Variants in DERA observed in about 807,000 individuals in gnomAD.
DERA encodes deoxyribose-phosphate aldolase.
DERA carries 15 observed loss-of-function variants against 41.1 expected under a neutral mutation model. That is an observed-to-expected ratio of 0.37 (90% confidence interval 0.24 to 0.56). The LOEUF (loss-of-function observed/expected upper bound fraction) is 0.56. Among genes scored for constraint, DERA ranks in the 20% least tolerant of loss-of-function variants. The pLI is 0.81. For synonymous variants in DERA, 139 were observed against 137.4 expected (o/e 1.01, Z -0.08); for missense variants, 396 against 403.4 (o/e 0.98, Z 0.16).
At chr12:16,027,924 C>A (rs1012993101) in intron 6 of DERA, among the ~76,000 whole-genome samples, 5 of 152,206 alleles carry the variant, frequency 3.3e-5, no homozygotes, top group Non-Finnish European at 7.3e-5. Context: ...TCCTGTCTAG[C>A]AGCAGTGTAC....
At position 15,992,972 on chromosome 12, in the gene DERA, G is replaced by A. The variant is rs762641017; in HGVS notation, c.637+10536G>A. ...TTTGAATTGCCGATGAAGATCTGTG[G>A]GAAGAGTACTAACACAAAAATATGG... On this transcript the variant is annotated intron_variant, in intron 6 of 8. Coordinates refer to ENST00000428559, the MANE Select transcript of DERA (RefSeq NM_015954.4). This position sits in a 1 kb window ranked among gnomAD's most constrained non-coding sequence, Gnocchi z 4.3. Among the ~76,000 whole-genome samples, 16 of 152,256 alleles carry A rather than the reference G, an allele frequency of 1.1e-4. No homozygotes were observed. The highest frequency in any genetic ancestry group is 2.0e-4 in the Admixed American group (3 of 15,300).
intron 6 of DERA, among the ~76,000 whole-genome samples, chr12:16,024,699 A>G (rs900872031): frequency 2.0e-5 from 3 of 152,176 alleles, no homozygotes; most frequent in African/African-American, 7.2e-5. Context: ...ATCCACTCTT[A>G]TTACACTGAA....
At position 15,989,827 on chromosome 12, in the gene DERA, A is replaced by T. The variant is rs1434910073; in HGVS notation, c.637+7391A>T. On this transcript the variant is annotated intron_variant, in intron 6 of 8. Coordinates refer to ENST00000428559, the MANE Select transcript of DERA (RefSeq NM_015954.4). The surrounding 1 kb of genome is among the most constrained non-coding windows in gnomAD (Gnocchi z 5.2). ...TCTGGTCTTACACATCATTGTAAGT[A>T]AAATTGTGTTAAACAACTTTGGTCA... 6.6e-6 allele frequency among the ~76,000 whole-genome samples: 1 copy of T among 152,222 alleles called. No individual in the cohort carries two copies. The highest frequency in any genetic ancestry group is 1.5e-5 in the Non-Finnish European group (1 of 68,040).
chr12:16,028,575 TGGG>T (rs1949069397), intron 6 of DERA, among the ~76,000 whole-genome samples: 1 of 151,708 alleles, frequency 6.6e-6, no homozygotes, highest in African/African-American at 2.4e-5. Context: ...GTATGAAAAA[TGGG>T]GGAAAAAGAT....
At chr12:15,916,482 ACT>A (rs1407682513) in intron 1 of DERA, among the ~76,000 whole-genome samples, 13 of 121,778 alleles carry the variant, frequency 1.1e-4, no homozygotes, top group Non-Finnish European at 1.9e-4. Context: ...ACAGAGTCTC[ACT>A]CTGTCACCCA....
Position 16,001,827 on chromosome 12 carries a change from T to C in DERA, c.637+19391T>C, listed in dbSNP as rs1948876685. Among the ~76,000 whole-genome samples the C allele has an allele frequency of 6.6e-6, 1 of 152,122 alleles. No homozygotes were observed. The highest frequency in any genetic ancestry group is 2.4e-5 in the African/African-American group (1 of 41,406). On this transcript the variant is annotated intron_variant, in intron 6 of 8. Coordinates refer to ENST00000428559, the MANE Select transcript of DERA (RefSeq NM_015954.4). The surrounding 1 kb of genome is among the most constrained non-coding windows in gnomAD (Gnocchi z 4.1). ...CAGGCACACTAGACGAAGCAGCATT[T>C]TGCTGGAGACTTTGTTGAGAATTCA... is the stretch of plus-strand genomic sequence containing the variant.
Position 16,009,149 on chromosome 12 carries a change from A to G in DERA, c.638-23393A>G, listed in dbSNP as rs912168545. 1.5e-4 allele frequency among the ~76,000 whole-genome samples: 23 copies of G among 152,182 alleles called. No individual in the cohort carries two copies. The highest frequency in any genetic ancestry group is 1.4e-3 in the Admixed American group (21 of 15,274). On this transcript the variant is annotated intron_variant, in intron 6 of 8. Coordinates refer to ENST00000428559, the MANE Select transcript of DERA (RefSeq NM_015954.4). The surrounding 1 kb of genome is among the most constrained non-coding windows in gnomAD (Gnocchi z 5.3). ...AAGCCAAGCACTTAGTAATTTTCAG[A>G]AAGGGAGACTTATTCTGTTCCTCCT...
chr12:15,984,016 T>C lies in DERA; in HGVS notation c.637+1580T>C, dbSNP rs549702414. ...CCTTGGAGGCTACTTGGTGTACAGG[T>C]AGCCCCCCTTTATGCTGCTTGCCAG... On this transcript the variant is annotated intron_variant, in intron 6 of 8. Transcript: ENST00000428559. This position sits in a 1 kb window ranked among gnomAD's most constrained non-coding sequence, Gnocchi z 4.5. Among the ~76,000 whole-genome samples, 6 of 152,286 alleles carry C rather than the reference T, an allele frequency of 3.9e-5. No individual in the cohort carries two copies. The South Asian group carries it at 1.0e-3, about 26-fold the overall frequency.
chr12:15,945,240 C>T (rs1241349758), intron 1 of DERA, among the ~76,000 whole-genome samples: 2 of 152,006 alleles, frequency 1.3e-5, no homozygotes, highest in Non-Finnish European at 2.9e-5. Flanking sequence ...TATGAACTTT[C>T]AAGTAGTTTT....
intron 6 of DERA, among the ~76,000 whole-genome samples, chr12:16,027,949 A>G (rs1264775237): frequency 6.6e-6 from 1 of 152,222 alleles, no homozygotes; most frequent in African/African-American, 2.4e-5. Flanking sequence ...GGAATTTGAA[A>G]TTTAGAAAAC....
In DERA at chr12:15,957,668, T is replaced by C. The variant is rs904419159; in HGVS notation, c.130-520T>C. The stretch of plus-strand genomic sequence containing the variant: ...TGCTCATCCTTAGAAATATTCTGGT[T>C]GAAAAGGTAAAATAAAATTCATCAG... On this transcript the variant is annotated intron_variant, in intron 2 of 8. Transcript: ENST00000428559. The surrounding 1 kb of genome is among the most constrained non-coding windows in gnomAD (Gnocchi z 4.8). 3.9e-5 allele frequency among the ~76,000 whole-genome samples: 6 copies of C among 152,194 alleles called. No homozygotes were observed. Among genetic ancestry groups the C allele is most frequent in the Admixed American group, 2.0e-4 (3 of 15,266 alleles).
In DERA at chr12:15,996,262, T is replaced by C. The variant is rs1264440164; in HGVS notation, c.637+13826T>C. On this transcript the variant is annotated intron_variant, in intron 6 of 8. Coordinates refer to ENST00000428559, the MANE Select transcript of DERA (RefSeq NM_015954.4). This position sits in a 1 kb window ranked among gnomAD's most constrained non-coding sequence, Gnocchi z 4.7. ...TATAGAAAACATGGGAAAAGAGGAG[T>C]GTATTAGTTTCTTGGGCTCGCTGTA... is the stretch of plus-strand genomic sequence containing the variant. 2.7e-5 allele frequency among the ~76,000 whole-genome samples: 4 copies of C among 150,328 alleles called. No homozygotes were observed. Among genetic ancestry groups the C allele is most frequent in the Non-Finnish European group, 5.9e-5 (4 of 67,658 alleles).
rs140004128 is a variant in DERA, at chr12:15,976,338, C to A, written c.509-5970C>A. ...CTCTACTTGCCAAGTCCTCCCCAAC[C>A]CCTAGAATTTTCAGTCCTCGCTGGT... On this transcript the variant is annotated intron_variant, in intron 5 of 8. Coordinates refer to ENST00000428559, the MANE Select transcript of DERA (RefSeq NM_015954.4). The surrounding 1 kb of genome is among the most constrained non-coding windows in gnomAD (Gnocchi z 4.1). Among the ~76,000 whole-genome samples, 63 of 152,260 alleles carry A rather than the reference C, an allele frequency of 4.1e-4. 2 individuals carry two copies. The highest frequency in any genetic ancestry group is 1.4e-3 in the African/African-American group (59 of 41,542).
chr12:16,030,709 A>AC (rs980689607), intron 6 of DERA, among the ~76,000 whole-genome samples: 1 of 152,174 alleles, frequency 6.6e-6, no homozygotes, highest in Non-Finnish European at 1.5e-5. Context: ...TCTCCATAGA[A>AC]CTTATCTCCA....
chr12:15,962,716 T>G (rs1401206483), intron 4 of DERA, 97 bp from the exon 5 acceptor site: 6 of 1,024,416 alleles, frequency 5.9e-6, no homozygotes, highest in African/African-American at 1.6e-5. Context: ...GATGAACTAC[T>G]ACTGACCAAT....
chr12:15,913,955 T>C lies in DERA; in HGVS notation c.31+2541T>C, dbSNP rs1031281897. 1.3e-5 allele frequency among the ~76,000 whole-genome samples: 2 copies of C among 152,200 alleles called. No individual in the cohort carries two copies. The highest frequency in any genetic ancestry group is 2.4e-5 in the African/African-American group (1 of 41,448). ...TATATAGTCTATTAAAATGTACAGA[T>C]ATTCTTCTATTTTATTAGATGCCAC... On this transcript the variant is annotated intron_variant, in intron 1 of 8. Transcript: ENST00000428559. This position sits in a 1 kb window ranked among gnomAD's most constrained non-coding sequence, Gnocchi z 4.5.
In DERA at chr12:15,998,001, G is replaced by T. The variant is rs1948850639; in HGVS notation, c.637+15565G>T. Among the ~76,000 whole-genome samples the T allele has an allele frequency of 6.6e-6, 1 of 152,146 alleles. No homozygotes were observed. Among genetic ancestry groups the T allele is most frequent in the Non-Finnish European group, 1.5e-5 (1 of 68,022 alleles). On this transcript the variant is annotated intron_variant, in intron 6 of 8. Coordinates refer to ENST00000428559, the MANE Select transcript of DERA (RefSeq NM_015954.4). This position sits in a 1 kb window ranked among gnomAD's most constrained non-coding sequence, Gnocchi z 4.8. ...CTCATTTTAAAGGTGAGAAAACCAA[G>T]ATCCAGAAAGGTCAAATTCATAAGA... is the stretch of plus-strand genomic sequence containing the variant.
chr12:15,924,379 G>C lies in DERA; in HGVS notation c.31+12965G>C, dbSNP rs577078315. Among the ~76,000 whole-genome samples, 1 of 152,292 alleles carries C rather than the reference G, an allele frequency of 6.6e-6. No individual in the cohort carries two copies. The highest frequency in any genetic ancestry group is 1.5e-5 in the Non-Finnish European group (1 of 68,030). On this transcript the variant is annotated intron_variant, in intron 1 of 8. Coordinates refer to ENST00000428559, the MANE Select transcript of DERA (RefSeq NM_015954.4). The surrounding 1 kb of genome is among the most constrained non-coding windows in gnomAD (Gnocchi z 5.0). ...CTGCTGTACTGTAGCCTGGGTGACA[G>C]AGCAATACCCTGTTTCTAAAATTAA...
intron 1 of DERA, among the ~76,000 whole-genome samples, chr12:15,955,506 C>A (rs892672109): frequency 6.6e-6 from 1 of 151,992 alleles, no homozygotes; most frequent in African/African-American, 2.4e-5. Flanking sequence ...AGCAAACAAG[C>A]AAGAAAACAT....
Sources: allele counts gnomAD v4.1 joint callset (sites outside exome capture counted in the v4.1 genomes callset), GRCh38; gene constraint gnomAD v4.1.1; non-coding constraint Gnocchi (gnomAD v3.1); transcripts MANE v1.5; gene names NCBI Gene and HGNC (gene_info 2026-07-23, HGNC 2026-07-21).